Variants in CUX2 observed in about 807,000 individuals in gnomAD.
CUX2 encodes cut like homeobox 2, also known as homeobox protein cut-like 2.
CUX2 carries 40 observed loss-of-function variants against 144.8 expected under a neutral mutation model. The observed-to-expected ratio is 0.28, with a 90% CI of 0.21 to 0.36. The LOEUF (loss-of-function observed/expected upper bound fraction) is 0.36, where lower values mean the gene tolerates loss of function less well. CUX2 is among the 10% of genes least tolerant of loss of function. CUX2 has a pLI of 1.00. For synonymous variants in CUX2, 827 were observed against 875.6 expected (o/e 0.94, Z 0.98); for missense variants, 1,615 against 1,994.0 (o/e 0.81, Z 3.62).
intron 4 of CUX2, among the ~76,000 whole-genome samples, chr12:111,272,081 G>A (rs773301860): frequency 2.0e-5 from 3 of 152,162 alleles, no homozygotes; most frequent in Non-Finnish European, 2.9e-5. Context: ...GGTATAAGGA[G>A]TTTTTTTAGT....
chr12:111,204,983 A>G (rs964862226), intron 1 of CUX2, among the ~76,000 whole-genome samples: 2 of 152,176 alleles, frequency 1.3e-5, no homozygotes, highest in South Asian at 4.1e-4. Context: ...ACTGTTTCTC[A>G]TAGGCACCAC....
intron 1 of CUX2, among the ~76,000 whole-genome samples, chr12:111,202,598 G>A (rs1433265370): frequency 2.6e-5 from 4 of 152,118 alleles, no homozygotes; most frequent in Non-Finnish European, 5.9e-5. Flanking sequence ...TCAAAGTATT[G>A]AGCACCTAGT....
rs572371226 is a variant in CUX2, at chr12:111,045,087, C to G, written c.63+10847C>G. The stretch of plus-strand genomic sequence containing the variant: ...GGCTGTCATCCAGGACACAAGACAG[C>G]CAGTTAATGTCCTCGGACCCGGCTG... On this transcript the variant is annotated intron_variant, in intron 1 of 21. Transcript: ENST00000261726. Among the ~76,000 whole-genome samples, 230 of 152,334 alleles carry G rather than the reference C, an allele frequency of 1.5e-3. 1 individual carries two copies. Among genetic ancestry groups the G allele is most frequent in the African/African-American group, 5.4e-3 (225 of 41,562 alleles).
At chr12:111,175,305 T>A (rs1298880965) in intron 1 of CUX2, among the ~76,000 whole-genome samples, 1 of 151,470 alleles carries the variant, frequency 6.6e-6, no homozygotes, top group Non-Finnish European at 1.5e-5. Flanking sequence ...ATTAAACATT[T>A]AAGGTTTTTT....
intron 1 of CUX2, among the ~76,000 whole-genome samples, chr12:111,098,135 T>A (rs1216258582): frequency 2.0e-5 from 3 of 152,028 alleles, no homozygotes; most frequent in Non-Finnish European, 4.4e-5. Flanking sequence ...CGCTGTGGCT[T>A]TACGCCTGTA....
chr12:111,052,705 G>C (rs1445506292), intron 1 of CUX2, among the ~76,000 whole-genome samples: 1 of 151,932 alleles, frequency 6.6e-6, no homozygotes, highest in East Asian at 1.9e-4. Context: ...GTGTGTGTCA[G>C]TGCGTGTCTT....
chr12:111,231,362 G>A (rs1047495824), intron 3 of CUX2, among the ~76,000 whole-genome samples: 3 of 152,072 alleles, frequency 2.0e-5, no homozygotes, highest in African/African-American at 7.2e-5. Flanking sequence ...TCACACATGT[G>A]GTATTACATT....
At chr12:111,177,850 G>T (rs776946156) in intron 1 of CUX2, among the ~76,000 whole-genome samples, 1 of 152,166 alleles carries the variant, frequency 6.6e-6, no homozygotes, top group South Asian at 2.1e-4. Flanking sequence ...ATACCTCTGT[G>T]GACCTCAGTT....
chr12:111,171,358 A>G lies in CUX2; in HGVS notation c.64-42842A>G, dbSNP rs866627301. Among the ~76,000 whole-genome samples, 16 of 151,538 alleles carry G rather than the reference A, an allele frequency of 1.1e-4. No homozygotes were observed. Among genetic ancestry groups the G allele is most frequent in the African/African-American group, 3.6e-4 (15 of 41,208 alleles). On this transcript the variant is annotated intron_variant, in intron 1 of 21. Transcript: ENST00000261726. This position sits in a 1 kb window ranked among gnomAD's most constrained non-coding sequence, Gnocchi z 5.0. ...GTGCAGCCTGCTGAGAGCACCAAAA[A>G]CCTCCCCTTAATACCCAGACTCACT...
Position 111,273,363 on chromosome 12 carries a change from G to A in CUX2, c.301+9524G>A, listed in dbSNP as rs565008051. Among the ~76,000 whole-genome samples the A allele has an allele frequency of 9.9e-5, 15 of 152,216 alleles. No homozygotes were observed. The South Asian group carries it at 3.1e-3, about 32-fold the overall frequency. On this transcript the variant is annotated intron_variant, in intron 4 of 21. Coordinates refer to ENST00000261726, the MANE Select transcript of CUX2 (RefSeq NM_015267.4). The stretch of plus-strand genomic sequence containing the variant: ...CATCCTTCCTCACTGGGAAGCTGAA[G>A]AAGTACAGGCTCAGATAATTCAAGC...
rs138062100 is a variant in CUX2, at chr12:111,048,439, G to A, written c.63+14199G>A. ...CATGGGAACATGCCTGGTACCCCCA[G>A]CAAGGTGGGAGCTGTGCTTCCTTGG... On this transcript the variant is annotated intron_variant, in intron 1 of 21. Transcript: ENST00000261726. Among the ~76,000 whole-genome samples the A allele has an allele frequency of 3.9e-3, 595 of 152,346 alleles. 3 individuals carry two copies. Among genetic ancestry groups the A allele is most frequent in the South Asian group, 6.2e-3 (30 of 4,830 alleles).
At chr12:111,219,095 T>C (rs531812640) in intron 3 of CUX2, among the ~76,000 whole-genome samples, 629 of 152,352 alleles carry the variant, frequency 4.1e-3, no homozygotes, top group African/African-American at 0.014. Context: ...ATTTTAAGTC[T>C]GTCATCCACC....
At chr12:111,179,257 TA>T (rs1266227700) in intron 1 of CUX2, among the ~76,000 whole-genome samples, 1 of 152,194 alleles carries the variant, frequency 6.6e-6, no homozygotes, top group Non-Finnish European at 1.5e-5. Context: ...CTGACCTGTT[TA>T]AATCACTTCC....
At chr12:111,261,149 C>T (rs1884101706) in intron 3 of CUX2, among the ~76,000 whole-genome samples, 1 of 152,072 alleles carries the variant, frequency 6.6e-6, no homozygotes, top group Admixed American at 6.5e-5. Context: ...AATTTGAATC[C>T]CCAGACCTGG....
At chr12:111,117,936 A>C (rs1874400095) in intron 1 of CUX2, among the ~76,000 whole-genome samples, 1 of 152,176 alleles carries the variant, frequency 6.6e-6, no homozygotes, top group African/African-American at 2.4e-5. Flanking sequence ...GAAGCAAACC[A>C]ACATGCCCAA....
At chr12:111,228,022 G>A (rs1343245557) in intron 3 of CUX2, among the ~76,000 whole-genome samples, 1 of 152,140 alleles carries the variant, frequency 6.6e-6, no homozygotes, top group Non-Finnish European at 1.5e-5. Flanking sequence ...AGGATATGGG[G>A]ATGGGAGAGA....
intron 1 of CUX2, among the ~76,000 whole-genome samples, chr12:111,210,729 C>T (rs922395710): frequency 1.3e-5 from 2 of 151,416 alleles, no homozygotes; most frequent in East Asian, 1.9e-4. Context: ...CCTGGGAGGT[C>T]GAGGCTGCAG....
intron 21 of CUX2, among the ~76,000 whole-genome samples, chr12:111,344,384 C>A (rs1888707178): frequency 6.6e-6 from 1 of 152,200 alleles, no homozygotes; most frequent in South Asian, 2.1e-4. Context: ...GGAATTCTGC[C>A]TGGGGAGGAC....
intron 16 of CUX2, among the ~76,000 whole-genome samples, chr12:111,317,014 C>T (rs186041720): frequency 2.2e-4 from 33 of 152,318 alleles, no homozygotes; most frequent in South Asian, 6.2e-4. Context: ...CTCTTTCACT[C>T]AGCCCCATGT....
Sources: gnomAD v4.1 joint callset for allele counts (sites outside exome capture counted in the v4.1 genomes callset) on GRCh38, gnomAD v4.1.1 for gene constraint, Gnocchi (gnomAD v3.1) non-coding constraint, MANE v1.5 for transcripts, NCBI Gene and HGNC (gene_info 2026-07-23, HGNC 2026-07-21) for gene names.